TRMT11: variants seen among roughly 807,000 people sequenced by gnomAD.
TRMT11 encodes the protein tRNA methyltransferase 11, also known as tRNA (guanine(10)-N(2))-methyltransferase TRMT11.
A neutral mutation model predicts 62.8 loss-of-function variants in TRMT11; 53 were observed. The observed-to-expected ratio is 0.84, with a 90% CI of 0.68 to 1.06. The LOEUF is 1.06. Ranked by LOEUF, TRMT11 falls within the 50% of genes least tolerant of loss-of-function variation. The probability of loss-of-function intolerance (pLI) is 0.00; values close to 1 mark genes in which losing one functional copy is unlikely to be tolerated. For missense variants in TRMT11, 556 were observed against 553.4 expected (o/e 1.00, Z -0.05); for synonymous variants, 188 against 190.3 (o/e 0.99, Z 0.10).
At chr6:126,137,756 G>A (rs112383511) in intron 21 of TRMT11, among the ~76,000 whole-genome samples, 1 of 151,824 alleles carries the variant, frequency 6.6e-6, no homozygotes, top group Non-Finnish European at 1.5e-5. Flanking sequence ...AGCAAATATA[G>A]TGTATATACA....
At chr6:125,988,052 G>A (rs1789958013) in intron 1 of TRMT11, among the ~76,000 whole-genome samples, 1 of 152,202 alleles carries the variant, frequency 6.6e-6, no homozygotes, top group Admixed American at 6.5e-5. Flanking sequence ...TTAAGGGAAA[G>A]TCGGAGGAGG....
intron 17 of TRMT11, among the ~76,000 whole-genome samples, chr6:126,082,590 A>G (rs1320312788): frequency 1.3e-5 from 2 of 152,116 alleles, no homozygotes; most frequent in Admixed American, 1.3e-4. Flanking sequence ...TTTATAATCA[A>G]ATTGTGATCT....
At chr6:126,013,461 A>G (rs755455449) in intron 11 of TRMT11, among the ~76,000 whole-genome samples, 1 of 151,982 alleles carries the variant, frequency 6.6e-6, no homozygotes, top group African/African-American at 2.4e-5. Context: ...GAGTCTCACT[A>G]TGTTGCCCAG....
intron 21 of TRMT11, among the ~76,000 whole-genome samples, chr6:126,123,477 T>G (rs529982123): frequency 6.6e-6 from 1 of 152,214 alleles, no homozygotes; most frequent in African/African-American, 2.4e-5. Context: ...ACAAAGGAAG[T>G]GATGGCTCTG....
the TRMT11 span, among the ~76,000 whole-genome samples, chr6:126,233,163 A>G: frequency 6.6e-6 from 1 of 152,186 alleles, no homozygotes; most frequent in African/African-American, 2.4e-5. Context: ...CATTGAAGAG[A>G]TCACATCTGT....
intron 17 of TRMT11, among the ~76,000 whole-genome samples, chr6:126,098,071 T>G (rs1406142484): frequency 1.3e-5 from 2 of 152,128 alleles, no homozygotes; most frequent in Non-Finnish European, 2.9e-5. Flanking sequence ...CCACTGTTTT[T>G]CTGGATGGGT....
At chr6:126,085,594 G>C (rs1248481600) in intron 17 of TRMT11, among the ~76,000 whole-genome samples, 1 of 152,162 alleles carries the variant, frequency 6.6e-6, no homozygotes, top group Non-Finnish European at 1.5e-5. Flanking sequence ...TGCAGTGTCA[G>C]TAAGCTGCAA....
At chr6:126,049,849 T>A (rs936076004) in intron 16 of TRMT11, among the ~76,000 whole-genome samples, 14 of 152,076 alleles carry the variant, frequency 9.2e-5, no homozygotes, top group African/African-American at 3.4e-4. Flanking sequence ...ACATTTCAGA[T>A]TGGGGGTGTT....
chr6:126,133,533 C>T lies in TRMT11; in HGVS notation c.*1823+17678C>T, dbSNP rs1777813350. On this transcript the variant is annotated intron_variant and NMD_transcript_variant, in intron 21 of 22. Coordinates refer to the TRMT11 transcript ENST00000648977. ...ATGAATGTAGGTAGCTACTGCTACA[C>T]AGGATCTCACTGTGTCTGCATCCTC... 2.0e-5 allele frequency among the ~76,000 whole-genome samples: 3 copies of T among 152,130 alleles called. No individual in the cohort carries two copies. The South Asian group carries it at 6.2e-4, about 32-fold the overall frequency.
At chr6:126,046,356 G>A (rs142559394) in intron 16 of TRMT11, among the ~76,000 whole-genome samples, 6 of 152,196 alleles carry the variant, frequency 3.9e-5, no homozygotes, top group East Asian at 3.9e-4. Context: ...AAACATTGTC[G>A]GATTTTGCTT....
rs375833207 is a variant in TRMT11, at chr6:125,994,928, T to A, written c.139-1039T>A. Among the ~76,000 whole-genome samples, 9 of 152,126 alleles carry A rather than the reference T, an allele frequency of 5.9e-5. No homozygotes were observed. The East Asian group carries it at 1.2e-3, about 20-fold the overall frequency. ...TCACTTATAAGTGGGAGCTGAATAA[T>A]AAGAACATATGGACATGTCCAGGGA... is the stretch of plus-strand genomic sequence containing the variant. On this transcript the variant is annotated intron_variant, in intron 2 of 12. Coordinates refer to ENST00000334379, the MANE Select transcript of TRMT11 (RefSeq NM_001031712.3).
At chr6:126,158,817 C>G (rs757737222) in intron 21 of TRMT11, among the ~76,000 whole-genome samples, 5 of 152,188 alleles carry the variant, frequency 3.3e-5, no homozygotes, top group South Asian at 4.1e-4. Flanking sequence ...AGGCCTCTCT[C>G]TCTCACCAGT....
At chr6:126,058,793 C>T (rs766787631) in intron 17 of TRMT11, among the ~76,000 whole-genome samples, 17 of 152,196 alleles carry the variant, frequency 1.1e-4, no homozygotes, top group Non-Finnish European at 2.5e-4. Flanking sequence ...ATACTGTAAG[C>T]ATCTCTATGC....
chr6:126,229,896 C>A, the TRMT11 span, among the ~76,000 whole-genome samples: 1 of 152,072 alleles, frequency 6.6e-6, no homozygotes, highest in Non-Finnish European at 1.5e-5. Flanking sequence ...AATTTTTATA[C>A]CATTGAAAAT....
chr6:126,029,901 T>G (rs903718762), intron 12 of TRMT11, among the ~76,000 whole-genome samples: 2 of 152,170 alleles, frequency 1.3e-5, no homozygotes, highest in African/African-American at 4.8e-5. Flanking sequence ...TTTATAAGTA[T>G]TAAGAAATTA....
chr6:126,241,391 C>G, the TRMT11 span, among the ~76,000 whole-genome samples: 1 of 152,184 alleles, frequency 6.6e-6, no homozygotes, highest in Non-Finnish European at 1.5e-5. Flanking sequence ...ACCATTCCTT[C>G]TGAAACTATT....
At chr6:126,206,573 C>T (rs1334294147), downstream of TRMT11, among the ~76,000 whole-genome samples, 1 of 152,182 alleles carries the variant, frequency 6.6e-6, no homozygotes, top group African/African-American at 2.4e-5. Flanking sequence ...AAAAACACTT[C>T]ATATGTTTGT....
At chr6:126,250,094 T>G in the TRMT11 span, among the ~76,000 whole-genome samples, 2 of 152,204 alleles carry the variant, frequency 1.3e-5, no homozygotes, top group Non-Finnish European at 2.9e-5. Flanking sequence ...TGAGTTATTT[T>G]GTTTTTGAAT....
chr6:126,156,518 G>T lies in TRMT11; in HGVS notation c.*1824-18307G>T, dbSNP rs762966120. Among the ~76,000 whole-genome samples, 10 of 152,358 alleles carry T rather than the reference G, an allele frequency of 6.6e-5. 1 individual carries two copies. Among genetic ancestry groups the T allele is most frequent in the Middle Eastern group, 3.4e-3 (1 of 294 alleles). ...CACAAGAACAGACTAACATTCGTCA[G>T]TACTAGTTTTATGTATTAGTACATT... is the stretch of plus-strand genomic sequence containing the variant. On this transcript the variant is annotated intron_variant and NMD_transcript_variant, in intron 21 of 22. Transcript: ENST00000648977.
Sources: gnomAD v4.1 joint callset for allele counts (sites outside exome capture counted in the v4.1 genomes callset) on GRCh38, gnomAD v4.1.1 for gene constraint, MANE v1.5 for transcripts, NCBI Gene and HGNC (gene_info 2026-07-23, HGNC 2026-07-21) for gene names.